Variants in CDC42SE2 observed in about 807,000 individuals in gnomAD.
The protein encoded by CDC42SE2 is CDC42 small effector protein 2.
CDC42SE2 carries 3 observed loss-of-function variants against 11.5 expected under a neutral mutation model. The ratio of observed to expected loss-of-function variants is 0.26; its 90% CI spans 0.12 to 0.67. CDC42SE2 has a LOEUF of 0.67. CDC42SE2 is among the 30% of genes least tolerant of loss of function. The probability of loss-of-function intolerance (pLI) is 0.80; values close to 1 mark genes in which losing one functional copy is unlikely to be tolerated. For synonymous variants in CDC42SE2, 33 were observed against 34.8 expected (o/e 0.95, Z 0.18); for missense variants, 82 against 106.8 (o/e 0.77, Z 1.02).
intron 3 of CDC42SE2, among the ~76,000 whole-genome samples, chr5:131,382,401 G>A (rs560009277): frequency 1.1e-3 from 174 of 152,316 alleles, no homozygotes; most frequent in African/African-American, 4.1e-3. Flanking sequence ...ACACAGTCCT[G>A]CAGTAACTCA....
chr5:131,381,712 C>G (rs571398427), intron 3 of CDC42SE2, among the ~76,000 whole-genome samples: 1 of 152,344 alleles, frequency 6.6e-6, no homozygotes, highest in African/African-American at 2.4e-5. Context: ...TCCCTTTTCA[C>G]CAACATTAAT....
intron 1 of CDC42SE2, among the ~76,000 whole-genome samples, chr5:131,248,602 A>G (rs1756614972): frequency 6.6e-6 from 1 of 152,236 alleles, no homozygotes; most frequent in African/African-American, 2.4e-5. Flanking sequence ...AACCCCAAAT[A>G]ATCTTCAAAT....
chr5:131,250,969 G>A (rs1756634285), intron 1 of CDC42SE2, among the ~76,000 whole-genome samples: 2 of 152,152 alleles, frequency 1.3e-5, no homozygotes, highest in African/African-American at 4.8e-5. Flanking sequence ...TGGAGGGACG[G>A]ACAGAGAGGG....
intron 1 of CDC42SE2, among the ~76,000 whole-genome samples, chr5:131,284,737 C>T (rs1757306709): frequency 6.6e-6 from 1 of 152,152 alleles, no homozygotes; most frequent in Non-Finnish European, 1.5e-5. Flanking sequence ...CCTCCTAAAG[C>T]ACTGTGATTA....
At chr5:131,386,590 T>C (rs1410542149) in intron 4 of CDC42SE2, among the ~76,000 whole-genome samples, 1 of 152,214 alleles carries the variant, frequency 6.6e-6, no homozygotes, top group African/African-American at 2.4e-5. Flanking sequence ...GAATAGGCTT[T>C]AGATCTACTC....
At chr5:131,224,143 C>T in the CDC42SE2 span, among the ~76,000 whole-genome samples, 1 of 152,164 alleles carries the variant, frequency 6.6e-6, no homozygotes, top group African/African-American at 2.4e-5. Flanking sequence ...CTTCTCTCTC[C>T]ACACTCACTT....
intron 1 of CDC42SE2, among the ~76,000 whole-genome samples, chr5:131,286,177 AGTCCTCCCCGGCTCAAGAG>A (rs1757336513): frequency 6.6e-6 from 1 of 150,972 alleles, no homozygotes; most frequent in Non-Finnish European, 1.5e-5. Flanking sequence ...GGGCCCAAGC[AGTCCTCCCCGGCTCAAGAG>A]GTCCTCCTTA....
At chr5:131,292,582 A>G (rs1477493118) in intron 1 of CDC42SE2, among the ~76,000 whole-genome samples, 1 of 148,736 alleles carries the variant, frequency 6.7e-6, no homozygotes, top group Non-Finnish European at 1.5e-5. Flanking sequence ...AAAACAAAAA[A>G]CAAAAAACTT....
the CDC42SE2 span, among the ~76,000 whole-genome samples, chr5:131,211,352 T>C: frequency 1.3e-5 from 2 of 152,250 alleles, no homozygotes; most frequent in African/African-American, 4.8e-5. Flanking sequence ...TAGAAATAAG[T>C]TGTTAGGAAA....
intron 2 of CDC42SE2, among the ~76,000 whole-genome samples, chr5:131,256,688 C>CT (rs1427746681): frequency 6.6e-6 from 1 of 152,196 alleles, no homozygotes; most frequent in East Asian, 1.9e-4. Flanking sequence ...TAGCTGTCAG[C>CT]CAAGGGCCAC....
chr5:131,214,609 T>G, the CDC42SE2 span, among the ~76,000 whole-genome samples: 1 of 152,088 alleles, frequency 6.6e-6, no homozygotes, highest in Non-Finnish European at 1.5e-5. Flanking sequence ...AGCTTTAAAT[T>G]AGGGAGTCCT....
rs2149793241 is a variant in CDC42SE2 at position 131,392,821 on chromosome 5, C to G, written c.*1730C>G. The G allele has an allele frequency of 1.3e-5, 2 of 152,440 alleles. No individual in the cohort carries two copies. Among genetic ancestry groups the G allele is most frequent in the South Asian group, 4.1e-4 (2 of 4,824 alleles). 9.4% of individuals were successfully genotyped at this position (152,440 alleles called of 1,614,324 possible). On this transcript the variant is annotated 3_prime_UTR_variant, in exon 5 of 5. Coordinates refer to ENST00000505065, the MANE Select transcript of CDC42SE2 (RefSeq NM_001375635.1). ...CAGTAGCAGTTTCTTGAACTTCTGGCCTGTACTACTAACTGCAGACCTCCA... is the reference window on the plus strand; with the variant it reads ...CAGTAGCAGTTTCTTGAACTTCTGGGCTGTACTACTAACTGCAGACCTCCA...
intron 1 of CDC42SE2, chr5:131,245,689 G>GT (rs1756576391): frequency 6.6e-6 from 1 of 152,156 alleles, no homozygotes; most frequent in Non-Finnish European, 1.5e-5. Flanking sequence ...AAAAATCCCA[G>GT]TGTCAGATGA....
At chr5:131,261,421 A>T (rs1036431558), upstream of CDC42SE2, 28 of 152,358 alleles carry the variant, frequency 1.8e-4, no homozygotes, top group Non-Finnish European at 1.3e-4. Context: ...AAGTCTATTT[A>T]ATTTTATAAA....
intron 3 of CDC42SE2, among the ~76,000 whole-genome samples, chr5:131,374,170 C>T (rs916581542): frequency 3.3e-5 from 5 of 151,946 alleles, no homozygotes; most frequent in Non-Finnish European, 7.4e-5. Flanking sequence ...GAAAAAGAAC[C>T]CATACTACTG....
intron 2 of CDC42SE2, chr5:131,354,642 T>G (rs1177527101): frequency 6.6e-6 from 1 of 152,204 alleles, no homozygotes; most frequent in Non-Finnish European, 1.5e-5. Flanking sequence ...TTTCTTCATT[T>G]TTTTCTAGAT....
At chr5:131,355,354 G>T (rs1749503933) in intron 2 of CDC42SE2, among the ~76,000 whole-genome samples, 4 of 152,106 alleles carry the variant, frequency 2.6e-5, no homozygotes, top group Admixed American at 1.3e-4. Flanking sequence ...GCATGTACCT[G>T]TAGTCCCAGC....
intron 1 of CDC42SE2, among the ~76,000 whole-genome samples, chr5:131,289,320 C>G (rs1357188468): frequency 1.3e-5 from 2 of 152,208 alleles, no homozygotes; most frequent in Non-Finnish European, 2.9e-5. Context: ...TACCTGCACT[C>G]AGTGACTTTC....
intron 4 of CDC42SE2, 88 bp from the exon 5 acceptor site, chr5:131,390,905 A>ATAAAATTCTGGGAAAAGAATT: frequency 1.2e-6 from 1 of 807,442 alleles, no homozygotes; most frequent in Non-Finnish European, 1.9e-6. Flanking sequence ...AGCAGCCCAA[A>ATAAAATTCTGGGAAAAGAATT]TAAAATTCTG....
Sources: allele counts gnomAD v4.1 joint callset (sites outside exome capture counted in the v4.1 genomes callset), GRCh38; gene constraint gnomAD v4.1.1; transcripts MANE v1.5; gene names NCBI Gene and HGNC (gene_info 2026-07-23, HGNC 2026-07-21).